Variants in RSRC1 observed in about 807,000 individuals in gnomAD.
The protein encoded by RSRC1 is arginine and serine rich coiled-coil 1.
A neutral mutation model predicts 49.1 loss-of-function variants in RSRC1; 39 were observed. That is an observed-to-expected ratio of 0.79 (90% CI 0.61 to 1.04). RSRC1 has a LOEUF of 1.04. Ranked by LOEUF, RSRC1 falls within the 50% of genes least tolerant of loss-of-function variation. The pLI is 0.00. For synonymous variants in RSRC1, 143 were observed against 130.8 expected, an observed-to-expected ratio of 1.09 and a Z score of -0.63; for missense variants, 388 against 402.4, an observed-to-expected ratio of 0.96 and a Z score of 0.31.
At chr3:158,424,103 C>T (rs1195177920) in intron 6 of RSRC1, among the ~76,000 whole-genome samples, 3 of 151,980 alleles carry the variant, frequency 2.0e-5, no homozygotes, top group African/African-American at 7.2e-5. Flanking sequence ...GAACTTCCAA[C>T]ACTATGTTGA....
At chr3:158,205,064 CA>C (rs1234285813) in intron 4 of RSRC1, among the ~76,000 whole-genome samples, 8 of 152,038 alleles carry the variant, frequency 5.3e-5, no homozygotes, top group Admixed American at 5.2e-4. Flanking sequence ...GGCAAGTTTA[CA>C]AGATAATAGT....
rs201851995 is a variant in RSRC1 at position 158,119,719 on chromosome 3, AATTT to A, written c.-2-2381_-2-2378del. Among the ~76,000 whole-genome samples, 15 of 84,988 alleles carry A rather than the reference AATTT, an allele frequency of 1.8e-4. No homozygotes were observed. In the East Asian group the frequency reaches 2.5e-3, roughly 14 times the overall value. The allele number at this position is 84,988 out of a possible 152,430, so 55.8% of individuals were successfully genotyped here. A position where few individuals can be genotyped will look rare whatever the true frequency, so the allele number is the denominator to read the frequency against. On this transcript the variant is annotated intron_variant, in intron 1 of 9. Transcript: ENST00000611884. ...GTATAAATGGATATGGACACATGTG[AATTT>A]ATATGTATGTACAGATATACCTTAT...
intron 6 of RSRC1, among the ~76,000 whole-genome samples, chr3:158,368,348 C>A (rs1266684956): frequency 3.3e-5 from 5 of 152,212 alleles, no homozygotes; most frequent in Admixed American, 3.3e-4. Flanking sequence ...TGTAATTAGG[C>A]CTCCTGGCAG....
chr3:158,341,289 A>T (rs1730222911), intron 5 of RSRC1, among the ~76,000 whole-genome samples: 1 of 152,104 alleles, frequency 6.6e-6, no homozygotes, highest in African/African-American at 2.4e-5. Flanking sequence ...CCTTCATGGC[A>T]GCCCCTCCCA....
intron 3 of RSRC1, among the ~76,000 whole-genome samples, chr3:158,174,925 A>C (rs979659529): frequency 3.3e-5 from 5 of 152,194 alleles, no homozygotes; most frequent in Middle Eastern, 3.4e-3. Flanking sequence ...ATACTCATTT[A>C]AATCCCTACC....
intron 6 of RSRC1, among the ~76,000 whole-genome samples, chr3:158,419,790 G>A (rs1190672799): frequency 2.7e-5 from 4 of 146,182 alleles, no homozygotes; most frequent in African/African-American, 5.1e-5. Flanking sequence ...GAGATATACA[G>A]CATACATGTA....
intron 3 of RSRC1, among the ~76,000 whole-genome samples, chr3:158,193,393 G>A (rs1375190294): frequency 6.6e-6 from 1 of 152,018 alleles, no homozygotes; most frequent in African/African-American, 2.4e-5. Context: ...GGGCAAATGA[G>A]TAAGAAATGA....
At chr3:158,132,005 A>G (rs1716058026) in intron 3 of RSRC1, 5 of 272,856 alleles carry the variant, frequency 1.8e-5, no homozygotes, top group South Asian at 1.3e-4. Flanking sequence ...TTCATTTGAG[A>G]CAGAGTGTTG....
chr3:158,352,511 A>C (rs1313197708), intron 5 of RSRC1, among the ~76,000 whole-genome samples: 1 of 152,180 alleles, frequency 6.6e-6, no homozygotes, highest in Non-Finnish European at 1.5e-5. Flanking sequence ...AATACAAAAA[A>C]AAATTAGTCA....
At chr3:158,192,330 A>G (rs886862842) in intron 3 of RSRC1, among the ~76,000 whole-genome samples, 23 of 152,116 alleles carry the variant, frequency 1.5e-4, no homozygotes, top group African/African-American at 5.5e-4. Flanking sequence ...TTTATAGAAT[A>G]TACCAGAATT....
chr3:158,226,237 G>C (rs908004035), intron 4 of RSRC1, among the ~76,000 whole-genome samples: 2 of 151,934 alleles, frequency 1.3e-5, no homozygotes, highest in African/African-American at 4.8e-5. Flanking sequence ...GGGCAACTCT[G>C]ACAGGATCAG....
At chr3:158,473,472 T>G (rs989628614) in intron 7 of RSRC1, among the ~76,000 whole-genome samples, 1 of 151,748 alleles carries the variant, frequency 6.6e-6, no homozygotes, top group East Asian at 1.9e-4. Context: ...ATGAGAACAC[T>G]TGGACACAGG....
chr3:158,343,502 C>G (rs1730368994), intron 5 of RSRC1, among the ~76,000 whole-genome samples: 1 of 152,026 alleles, frequency 6.6e-6, no homozygotes, highest in Non-Finnish European at 1.5e-5. Context: ...GAAACTGACC[C>G]AGAATTGACA....
At chr3:158,317,304 C>T (rs1728517757) in intron 5 of RSRC1, among the ~76,000 whole-genome samples, 1 of 152,192 alleles carries the variant, frequency 6.6e-6, no homozygotes, top group Admixed American at 6.5e-5. Context: ...TCTCGGCTCA[C>T]TGCAAACTCT....
intron 6 of RSRC1, among the ~76,000 whole-genome samples, chr3:158,385,489 C>T (rs996465908): frequency 6.6e-5 from 10 of 152,208 alleles, no homozygotes; most frequent in Admixed American, 3.9e-4. Context: ...GTGAAGTGCA[C>T]TATTTTGTTT....
At chr3:158,482,749 A>G (rs1397223263) in intron 7 of RSRC1, among the ~76,000 whole-genome samples, 1 of 152,056 alleles carries the variant, frequency 6.6e-6, no homozygotes, top group African/African-American at 2.4e-5. Flanking sequence ...TAAACAATCT[A>G]ATACTTAAAG....
intron 6 of RSRC1, among the ~76,000 whole-genome samples, chr3:158,453,366 C>T (rs1253341939): frequency 6.9e-6 from 1 of 145,604 alleles, no homozygotes; most frequent in Non-Finnish European, 1.5e-5. Flanking sequence ...GGCCAAAAGT[C>T]TGTGTAGCCC....
chr3:158,164,547 CTTTG>C (rs1203977073), intron 3 of RSRC1, among the ~76,000 whole-genome samples: 4 of 150,696 alleles, frequency 2.7e-5, no homozygotes, highest in Admixed American at 6.6e-5. Context: ...TGTTTTTTTT[CTTTG>C]TTTAAGTGCT....
intron 6 of RSRC1, among the ~76,000 whole-genome samples, chr3:158,360,931 C>A (rs1418639001): frequency 2.0e-5 from 3 of 152,212 alleles, no homozygotes; most frequent in African/African-American, 7.2e-5. Flanking sequence ...CCCAGCTGCG[C>A]CCCCTCACAG....
Sources: gnomAD v4.1 joint callset for allele counts (sites outside exome capture counted in the v4.1 genomes callset) on GRCh38, gnomAD v4.1.1 for gene constraint, MANE v1.5 for transcripts, NCBI Gene and HGNC (gene_info 2026-07-23, HGNC 2026-07-21) for gene names.